BABAM2: variants seen among roughly 807,000 people sequenced by gnomAD.
The protein encoded by BABAM2 is BRISC and BRCA1-A complex member 2.
BABAM2 carries 31 observed loss-of-function variants against 54.7 expected under a neutral mutation model. That is an observed-to-expected ratio of 0.57 (90% CI 0.43 to 0.77). BABAM2 has a LOEUF of 0.77. Among genes scored for constraint, BABAM2 ranks in the 30% least tolerant of loss-of-function variants. The pLI, the probability that BABAM2 is intolerant of heterozygous loss-of-function variation, is 0.00. For synonymous variants in BABAM2, 167 were observed against 162.9 expected, an observed-to-expected ratio of 1.03 and a Z score of -0.19; for missense variants, 364 against 455.8, an observed-to-expected ratio of 0.80 and a Z score of 1.83.
chr2:27,971,603 T>G (rs1486014177), intron 3 of BABAM2, among the ~76,000 whole-genome samples: 1 of 152,032 alleles, frequency 6.6e-6, no homozygotes, highest in East Asian at 1.9e-4. Context: ...TGTAAATACA[T>G]AGTGTTCTAG....
At position 28,129,256 on chromosome 2, in the gene BABAM2, C is replaced by CAAAGGGGA. The variant is rs2148767997; in HGVS notation, c.571-14_571-13insAAGGGGAA. 6.3e-7 allele frequency: 1 copy of CAAAGGGGA among 1,599,654 alleles called. No homozygotes were observed. The highest frequency in any genetic ancestry group is 1.3e-5 in the African/African-American group (1 of 74,692). On this transcript the variant is annotated splice_polypyrimidine_tract_variant and intron_variant, in intron 6 of 11. Coordinates refer to ENST00000379624, the MANE Select transcript of BABAM2 (RefSeq NM_199191.3). ...AGAACAGGTGCTGATGTTGTGTTTT[C>CAAAGGGGA]ACTTCTTGTTTAAGGATGTAAATGA...
At chr2:28,010,911 A>G (rs896811254) in intron 4 of BABAM2, among the ~76,000 whole-genome samples, 6 of 152,204 alleles carry the variant, frequency 3.9e-5, no homozygotes, top group African/African-American at 1.4e-4. Flanking sequence ...TTTCATAGGA[A>G]GAAAGAAAGC....
At chr2:28,043,415 C>T (rs1190613719) in intron 5 of BABAM2, among the ~76,000 whole-genome samples, 1 of 152,144 alleles carries the variant, frequency 6.6e-6, no homozygotes, top group Non-Finnish European at 1.5e-5. Context: ...AGGCATGAGC[C>T]AATGTGCCTG....
chr2:28,145,394 CT>C (rs1012371987), intron 7 of BABAM2, among the ~76,000 whole-genome samples: 61 of 152,166 alleles, frequency 4.0e-4, no homozygotes, highest in African/African-American at 1.4e-3. Flanking sequence ...CTTTCACTGC[CT>C]TTTACAAGTT....
At chr2:28,173,037 C>T (rs1200280057) in intron 7 of BABAM2, among the ~76,000 whole-genome samples, 3 of 152,112 alleles carry the variant, frequency 2.0e-5, no homozygotes, top group Non-Finnish European at 2.9e-5. Context: ...GTCTGGTTTC[C>T]GGTCTTATAA....
intron 10 of BABAM2, 142 bp from the exon 11 acceptor site, chr2:28,298,196 A>G: frequency 2.3e-6 from 2 of 866,672 alleles, no homozygotes; most frequent in Non-Finnish European, 3.6e-6. Flanking sequence ...GCCTCTCTAT[A>G]CACCACACCT....
chr2:28,319,106 T>C (rs1283093794), intron 11 of BABAM2, among the ~76,000 whole-genome samples: 1 of 152,222 alleles, frequency 6.6e-6, no homozygotes, highest in Non-Finnish European at 1.5e-5. Flanking sequence ...AATCTTCACT[T>C]TCTTACTCCA....
chr2:28,281,399 T>C (rs1396869652), intron 10 of BABAM2, among the ~76,000 whole-genome samples: 1 of 152,220 alleles, frequency 6.6e-6, no homozygotes. Flanking sequence ...AATAGGTCAA[T>C]ACTTTAAAAA....
chr2:28,189,641 A>G (rs1676689047), intron 7 of BABAM2, among the ~76,000 whole-genome samples: 1 of 152,208 alleles, frequency 6.6e-6, no homozygotes, highest in Admixed American at 6.5e-5. Flanking sequence ...ACCTAAATAA[A>G]TAGAGAAATA....
At chr2:28,252,092 A>G (rs1683542524) in intron 10 of BABAM2, among the ~76,000 whole-genome samples, 1 of 151,988 alleles carries the variant, frequency 6.6e-6, no homozygotes. Context: ...AGGCTGAGAT[A>G]GGAGAATCGC....
At chr2:27,915,330 A>G (rs1666885187) in intron 2 of BABAM2, among the ~76,000 whole-genome samples, 1 of 152,182 alleles carries the variant, frequency 6.6e-6, no homozygotes, top group African/African-American at 2.4e-5. Flanking sequence ...CGTGACAGCA[A>G]GTGCTCTCTG....
chr2:28,222,356 C>T (rs985915447), intron 7 of BABAM2, among the ~76,000 whole-genome samples: 5 of 152,128 alleles, frequency 3.3e-5, no homozygotes, highest in East Asian at 1.9e-4. Context: ...CACATCTCAC[C>T]GAAGTCCCAT....
chr2:28,133,955 G>T (rs1253871464), intron 7 of BABAM2, among the ~76,000 whole-genome samples: 1 of 152,122 alleles, frequency 6.6e-6, no homozygotes, highest in Non-Finnish European at 1.5e-5. Flanking sequence ...CAGCCCTGCC[G>T]CACGTGGCTG....
chr2:27,937,438 A>ATT (rs1481646491), intron 3 of BABAM2, among the ~76,000 whole-genome samples: 2 of 152,088 alleles, frequency 1.3e-5, no homozygotes, highest in Non-Finnish European at 1.5e-5. Flanking sequence ...TTTTTTGAAT[A>ATT]TTTTTGATCA....
intron 7 of BABAM2, among the ~76,000 whole-genome samples, chr2:28,131,282 C>T (rs1452712037): frequency 2.0e-5 from 1 of 51,242 alleles, no homozygotes; most frequent in African/African-American, 7.5e-5. Context: ...GGGGTTTCAC[C>T]GTTTTAGCCG....
intron 7 of BABAM2, chr2:28,233,211 C>G (rs1452129479): frequency 2.1e-6 from 1 of 471,610 alleles, no homozygotes; most frequent in Non-Finnish European, 4.4e-6. Context: ...CTCTGGGGAT[C>G]AGAAGTATCA....
chr2:28,153,834 A>G (rs573248328), intron 7 of BABAM2, among the ~76,000 whole-genome samples: 1 of 152,344 alleles, frequency 6.6e-6, no homozygotes, highest in African/African-American at 2.4e-5. Context: ...TGATTTATTT[A>G]GGAGTTACTA....
chr2:27,941,989 T>G (rs1668924308), intron 3 of BABAM2, among the ~76,000 whole-genome samples: 1 of 152,190 alleles, frequency 6.6e-6, no homozygotes, highest in Non-Finnish European at 1.5e-5. Context: ...AAATTCAACT[T>G]CATTTTTGAT....
intron 6 of BABAM2, among the ~76,000 whole-genome samples, chr2:28,073,526 T>A (rs1247403083): frequency 6.6e-6 from 1 of 152,158 alleles, no homozygotes; most frequent in Admixed American, 6.5e-5. Flanking sequence ...TCTGTTTACT[T>A]TTTTGTTTTT....
Sources: gnomAD v4.1 joint callset for allele counts (sites outside exome capture counted in the v4.1 genomes callset) on GRCh38, gnomAD v4.1.1 for gene constraint, MANE v1.5 for transcripts, NCBI Gene and HGNC (gene_info 2026-07-23, HGNC 2026-07-21) for gene names.